The following RBKS variants were observed in gnomAD, a reference collection of about 807,000 sequenced individuals.
RBKS encodes ribokinase.
RBKS carries 33 observed loss-of-function variants against 33.9 expected under a neutral mutation model. The observed-to-expected ratio is 0.97, with a 90% CI of 0.74 to 1.30. The LOEUF (loss-of-function observed/expected upper bound fraction) is 1.30. Ranked by LOEUF, RBKS falls within the 50% of genes most tolerant of loss-of-function variation. The pLI is 0.00. For missense variants in RBKS, 361 were observed against 392.6 expected, an observed-to-expected ratio of 0.92 and a Z score of 0.68; for synonymous variants, 125 against 143.0, an observed-to-expected ratio of 0.87 and a Z score of 0.90.
chr2:27,876,844 G>A (rs1300839978), intron 1 of RBKS, among the ~76,000 whole-genome samples: 2 of 152,030 alleles, frequency 1.3e-5, no homozygotes, highest in African/African-American at 4.8e-5. Context: ...TTGCAGGTCT[G>A]AAAAAAATTC....
At chr2:27,865,317 CTCAAACAA>C (rs1664076126) in intron 1 of RBKS, among the ~76,000 whole-genome samples, 1 of 149,754 alleles carries the variant, frequency 6.7e-6, no homozygotes, top group East Asian at 1.9e-4. Flanking sequence ...GAGACTCCTT[CTCAAACAA>C]ACAAACAAAC....
At chr2:27,783,771 G>A (rs568803774) in intron 7 of RBKS, among the ~76,000 whole-genome samples, 3 of 151,308 alleles carry the variant, frequency 2.0e-5, no homozygotes, top group Non-Finnish European at 4.4e-5. Flanking sequence ...GCCGGGCGAG[G>A]TGGTGGACGC....
intron 7 of RBKS, among the ~76,000 whole-genome samples, chr2:27,786,828 C>T (rs1008666035): frequency 6.6e-6 from 1 of 151,550 alleles, no homozygotes; most frequent in Non-Finnish European, 1.5e-5. Context: ...GTACCCACAC[C>T]TGAAAACACT....
At chr2:27,799,092 G>A (rs1169374348) in intron 7 of RBKS, among the ~76,000 whole-genome samples, 1 of 152,172 alleles carries the variant, frequency 6.6e-6, no homozygotes, top group East Asian at 1.9e-4. Flanking sequence ...TGAGCGATGA[G>A]GTGAGGAGCA....
chr2:27,858,165 T>C (rs1400579333), intron 2 of RBKS, among the ~76,000 whole-genome samples: 1 of 152,024 alleles, frequency 6.6e-6, no homozygotes, highest in Non-Finnish European at 1.5e-5. Flanking sequence ...GATAAATCCA[T>C]AGAGATAGAA....
At chr2:27,814,669 A>G (rs566502462) in intron 7 of RBKS, among the ~76,000 whole-genome samples, 1 of 152,342 alleles carries the variant, frequency 6.6e-6, no homozygotes, top group Non-Finnish European at 1.5e-5. Flanking sequence ...AGATGTCACT[A>G]TAATCTTTTT....
chr2:27,854,974 T>C (rs1441415139), intron 2 of RBKS, among the ~76,000 whole-genome samples: 2 of 152,218 alleles, frequency 1.3e-5, no homozygotes, highest in African/African-American at 2.4e-5. Context: ...ATCGTGCCTA[T>C]AGTTCATAAT....
chr2:27,872,708 A>C (rs1051569493), intron 1 of RBKS, among the ~76,000 whole-genome samples: 7 of 152,214 alleles, frequency 4.6e-5, no homozygotes, highest in Admixed American at 1.3e-4. Flanking sequence ...TATAACAACA[A>C]CAAGAAATTG....
intron 7 of RBKS, among the ~76,000 whole-genome samples, chr2:27,793,394 G>A (rs1449176034): frequency 6.6e-6 from 1 of 152,154 alleles, no homozygotes; most frequent in Non-Finnish European, 1.5e-5. Flanking sequence ...TGAGAAACCT[G>A]CTAGGCACCA....
chr2:27,787,080 C>T (rs890368289), intron 7 of RBKS, among the ~76,000 whole-genome samples: 1 of 152,134 alleles, frequency 6.6e-6, no homozygotes, highest in African/African-American at 2.4e-5. Context: ...CCTTTGTCTC[C>T]CAGACTCAAG....
intron 2 of RBKS, among the ~76,000 whole-genome samples, chr2:27,849,291 G>T (rs958702016): frequency 2.6e-5 from 4 of 151,878 alleles, no homozygotes; most frequent in Non-Finnish European, 5.9e-5. Flanking sequence ...GGCTGGGTGC[G>T]GTGGCTCATG....
At chr2:27,826,324 T>G (rs752192738) in intron 7 of RBKS, among the ~76,000 whole-genome samples, 3 of 152,154 alleles carry the variant, frequency 2.0e-5, no homozygotes, top group African/African-American at 4.8e-5. Context: ...TATCTGTTTC[T>G]TCTAAATAAA....
chr2:27,793,443 A>G (rs1181049552), intron 7 of RBKS, among the ~76,000 whole-genome samples: 1 of 152,224 alleles, frequency 6.6e-6, no homozygotes, highest in Non-Finnish European at 1.5e-5. Flanking sequence ...ACCAATAAGA[A>G]GACAAACTGA....
chr2:27,800,049 C>CTT (rs35932747), intron 7 of RBKS, among the ~76,000 whole-genome samples: 141 of 112,342 alleles, frequency 1.3e-3, no homozygotes, highest in African/African-American at 2.0e-3. Context: ...TGTTAGGTGT[C>CTT]TTTTTTTTTT....
intron 7 of RBKS, among the ~76,000 whole-genome samples, chr2:27,822,876 T>C (rs990216364): frequency 6.6e-6 from 1 of 152,268 alleles, no homozygotes; most frequent in African/African-American, 2.4e-5. Flanking sequence ...AGATTTAGCC[T>C]ACGGACTAAA....
chr2:27,818,866 C>T (rs1276684495), intron 7 of RBKS, among the ~76,000 whole-genome samples: 8 of 152,184 alleles, frequency 5.3e-5, no homozygotes, highest in African/African-American at 1.9e-4. Context: ...CAAAGCAGCA[C>T]CGCTAGTTAA....
intron 1 of RBKS, among the ~76,000 whole-genome samples, chr2:27,889,006 G>T (rs1664629751): frequency 6.6e-6 from 1 of 152,146 alleles, no homozygotes; most frequent in Admixed American, 6.5e-5. Flanking sequence ...AATATTTGTG[G>T]AAAAATAAAG....
intron 2 of RBKS, among the ~76,000 whole-genome samples, chr2:27,849,953 G>A (rs1240141963): frequency 2.6e-5 from 4 of 152,074 alleles, no homozygotes; most frequent in Admixed American, 6.6e-5. Flanking sequence ...TCTGGCCTCC[G>A]TGGTGCTGCA....
Position 27,879,796 on chromosome 2 carries a change from C to G in RBKS, c.89+10461G>C, listed in dbSNP as rs1355345903. 4.6e-5 allele frequency among the ~76,000 whole-genome samples: 7 copies of G among 152,230 alleles called. No individual in the cohort carries two copies. The East Asian group carries it at 1.2e-3, about 25-fold the overall frequency. The stretch of plus-strand genomic sequence containing the variant: ...CTCCCAAGACAGAACCAGGAAGAAA[C>G]TGAATCCTTGAACAGACCAACAATG... On this transcript the variant is annotated intron_variant, in intron 1 of 7. Coordinates refer to ENST00000302188, the MANE Select transcript of RBKS (RefSeq NM_022128.3).
Sources: gnomAD v4.1 joint callset for allele counts (sites outside exome capture counted in the v4.1 genomes callset) on GRCh38, gnomAD v4.1.1 for gene constraint, MANE v1.5 for transcripts, NCBI Gene and HGNC (gene_info 2026-07-23, HGNC 2026-07-21) for gene names.